OXR1: variants seen among roughly 807,000 people sequenced by gnomAD.
OXR1 encodes the protein oxidation resistance protein 1.
OXR1 carries 41 observed loss-of-function variants against 104.6 expected under a neutral mutation model. The observed-to-expected ratio is 0.39, with a 90% CI of 0.31 to 0.51. OXR1 has a LOEUF of 0.51. OXR1 is among the 20% of genes least tolerant of loss of function. The pLI, the probability that OXR1 is intolerant of heterozygous loss-of-function variation, is 0.77. For missense variants in OXR1, 955 were observed against 1,031.9 expected (o/e 0.93, Z 1.02); for synonymous variants, 348 against 348.4 (o/e 1.00, Z 0.01).
At chr8:106,483,937 G>A (rs951255415) in intron 2 of OXR1, among the ~76,000 whole-genome samples, 1 of 152,034 alleles carries the variant, frequency 6.6e-6, no homozygotes, top group South Asian at 2.1e-4. Flanking sequence ...CAGCCCAAGG[G>A]AATTTGAATC....
intron 3 of OXR1, among the ~76,000 whole-genome samples, chr8:106,661,964 G>A (rs1019452459): frequency 1.3e-5 from 2 of 152,208 alleles, no homozygotes; most frequent in African/African-American, 2.4e-5. Flanking sequence ...ATGTTGGGAT[G>A]TGGGAAGGAA....
intron 2 of OXR1, among the ~76,000 whole-genome samples, chr8:106,413,317 A>G (rs1349377302): frequency 1.3e-5 from 2 of 152,046 alleles, no homozygotes; most frequent in African/African-American, 2.4e-5. Context: ...TGAGAATTGT[A>G]TTGTGCTCTC....
intron 1 of OXR1, among the ~76,000 whole-genome samples, chr8:106,277,421 C>G (rs1240172605): frequency 6.6e-6 from 1 of 152,184 alleles, no homozygotes; most frequent in Admixed American, 6.5e-5. Flanking sequence ...CCTCTTTGTC[C>G]TTGTACTCTG....
chr8:106,701,403 A>G (rs550688748), intron 7 of OXR1, among the ~76,000 whole-genome samples: 9 of 152,216 alleles, frequency 5.9e-5, no homozygotes, highest in South Asian at 2.1e-4. Flanking sequence ...TAAAAGCAAT[A>G]TCTGCCATAA....
intron 6 of OXR1, among the ~76,000 whole-genome samples, chr8:106,691,619 C>CATATATATATATACAT (rs1257062749): frequency 7.1e-6 from 1 of 140,984 alleles, no homozygotes; most frequent in African/African-American, 2.6e-5. Context: ...CATATATATA[C>CATATATATATATACAT]ATATATATAT....
At chr8:106,366,703 C>T (rs915461211) in intron 2 of OXR1, among the ~76,000 whole-genome samples, 1 of 151,766 alleles carries the variant, frequency 6.6e-6, no homozygotes, top group African/African-American at 2.4e-5. Flanking sequence ...GTGGTAAGTT[C>T]ATGTTGAATG....
intron 2 of OXR1, among the ~76,000 whole-genome samples, chr8:106,408,144 C>G (rs576314283): frequency 5.3e-5 from 8 of 152,146 alleles, no homozygotes; most frequent in Non-Finnish European, 1.2e-4. Context: ...CCCCAAATAG[C>G]GTTGCTCTTG....
At position 106,750,787 on chromosome 8, in the gene OXR1, T is replaced by C. The variant is rs1402157615; in HGVS notation, c.2487-19T>C. 4 of 1,548,498 alleles carry C rather than the reference T, an allele frequency of 2.6e-6. No homozygotes were observed. Among genetic ancestry groups the C allele is most frequent in the Non-Finnish European group, 3.5e-6 (4 of 1,140,384 alleles). The stretch of plus-strand genomic sequence containing the variant: ...ACTTAAGGCATAAATATTAACAGAT[T>C]ATTATTTATGTATTGCAGAGGAGAA... On this transcript the variant is annotated intron_variant, in intron 16 of 16. Coordinates refer to ENST00000517566, the MANE Select transcript of OXR1 (RefSeq NM_001198533.2).
chr8:106,336,157 C>T (rs1814955096), intron 1 of OXR1, among the ~76,000 whole-genome samples: 2 of 152,042 alleles, frequency 1.3e-5, no homozygotes. Context: ...TTCCTGAGGC[C>T]CACTGGAAAG....
At chr8:106,509,837 T>C (rs1465430423) in intron 2 of OXR1, among the ~76,000 whole-genome samples, 1 of 152,214 alleles carries the variant, frequency 6.6e-6, no homozygotes, top group African/African-American at 2.4e-5. Context: ...AGTGGCGAGA[T>C]CTCAGCTCAC....
rs151285860 is a variant in OXR1, at chr8:106,740,489, T to C, written c.2310T>C (p.Asp770=). ...TPVLMVIKDS[D]GQVFGALASE... is the part of the protein sequence containing the mutation. ...TGCTGATGGTGATTAAAGACAGTGA[T>C]GGACAGGTATGAAACACCAACTGCA... Residue 770 remains aspartate, a synonymous_variant, in exon 14 of 17, where the codon GAT becomes GAC. Transcript: ENST00000517566. The C allele has an allele frequency of 6.2e-7, 1 of 1,610,424 alleles. No homozygotes were observed. The highest frequency in any genetic ancestry group is 1.3e-5 in the African/African-American group (1 of 74,686).
intron 3 of OXR1, among the ~76,000 whole-genome samples, chr8:106,566,785 C>A (rs1043003430): frequency 4.6e-5 from 7 of 152,218 alleles, no homozygotes; most frequent in African/African-American, 1.7e-4. Flanking sequence ...AAATACTACG[C>A]ATCCATAAAA....
chr8:106,467,313 A>G (rs990356226), intron 2 of OXR1, among the ~76,000 whole-genome samples: 2 of 151,882 alleles, frequency 1.3e-5, no homozygotes, highest in African/African-American at 4.8e-5. Context: ...TGGTGATGGA[A>G]GCTGTATTCT....
chr8:106,601,421 T>G (rs1335539307), intron 3 of OXR1, among the ~76,000 whole-genome samples: 1 of 152,168 alleles, frequency 6.6e-6, no homozygotes, highest in Non-Finnish European at 1.5e-5. Flanking sequence ...CTGGGTCTGG[T>G]GAAGCACTCC....
chr8:106,548,724 T>C (rs1272617621), intron 3 of OXR1, among the ~76,000 whole-genome samples: 1 of 152,210 alleles, frequency 6.6e-6, no homozygotes. Flanking sequence ...TGGCTACATA[T>C]AAAGGAGTGC....
chr8:106,353,151 C>A (rs952066551), intron 1 of OXR1, among the ~76,000 whole-genome samples: 3 of 152,046 alleles, frequency 2.0e-5, no homozygotes, highest in African/African-American at 7.2e-5. Context: ...ATTCGAGAGA[C>A]CAGCCTGGCC....
chr8:106,454,187 A>G (rs935904870), intron 2 of OXR1, among the ~76,000 whole-genome samples: 1 of 143,246 alleles, frequency 7.0e-6, no homozygotes, highest in Non-Finnish European at 1.5e-5. Context: ...CCATTTCATC[A>G]GGAGTATTAG....
intron 3 of OXR1, among the ~76,000 whole-genome samples, chr8:106,549,733 G>A (rs1411207747): frequency 1.3e-5 from 2 of 152,130 alleles, no homozygotes; most frequent in East Asian, 3.9e-4. Context: ...ACATATGCAA[G>A]GGATGAGGAA....
chr8:106,737,474 T>TTTTTTTTTTTTTTTG, intron 11 of OXR1, 46 bp from the exon 12 acceptor site: 1 of 499,944 alleles, frequency 2.0e-6, no homozygotes, highest in Non-Finnish European at 3.4e-6. Context: ...TTTGCTGTTT[T>TTTTTTTTTTTTTTTG]TCTCAACTGT....
Sources: gnomAD v4.1 joint callset for allele counts (sites outside exome capture counted in the v4.1 genomes callset) on GRCh38, gnomAD v4.1.1 for gene constraint, MANE v1.5 for transcripts, NCBI Gene and HGNC (gene_info 2026-07-23, HGNC 2026-07-21) for gene names.